The following ASIC2 variants were observed in gnomAD, a reference collection of about 807,000 sequenced individuals.
ASIC2 encodes the protein acid-sensing ion channel 2.
A neutral mutation model predicts 57.3 loss-of-function variants in ASIC2; 25 were observed. The observed-to-expected ratio is 0.44, with a 90% CI of 0.32 to 0.61. ASIC2 has a LOEUF of 0.61. Among genes scored for constraint, ASIC2 ranks in the 20% least tolerant of loss-of-function variants. ASIC2 has a pLI of 0.06. For missense variants in ASIC2, 641 were observed against 738.1 expected (o/e 0.87, Z 1.52); for synonymous variants, 319 against 307.5 (o/e 1.04, Z -0.39).
intron 1 of ASIC2, among the ~76,000 whole-genome samples, chr17:33,515,872 G>A (rs1030400675): frequency 6.6e-6 from 1 of 152,168 alleles, no homozygotes; most frequent in African/African-American, 2.4e-5. Flanking sequence ...GAGGTGGATG[G>A]ATTGCTTGAC....
At chr17:33,116,182 G>T (rs1219888375) in intron 1 of ASIC2, among the ~76,000 whole-genome samples, 2 of 152,212 alleles carry the variant, frequency 1.3e-5, no homozygotes, top group Non-Finnish European at 2.9e-5. Flanking sequence ...GCATGCCTTT[G>T]CTGGTCTCTC....
rs150705264 is a variant in ASIC2 at position 33,602,298 on chromosome 17, A to G, written c.556-490231T>C. Among the ~76,000 whole-genome samples, 12 of 152,322 alleles carry G rather than the reference A, an allele frequency of 7.9e-5. No homozygotes were observed. In the East Asian group the frequency reaches 2.3e-3, roughly 29 times the overall value. Reference sequence around the variant, plus strand: ...GTGCTGGAAACTTAATCCTTAATGCAACGGTGTTGAGAGATGGGACTTTTA... The same window carrying G: ...GTGCTGGAAACTTAATCCTTAATGCGACGGTGTTGAGAGATGGGACTTTTA... On this transcript the variant is annotated intron_variant, in intron 1 of 9. Transcript: ENST00000359872.
intron 1 of ASIC2, among the ~76,000 whole-genome samples, chr17:33,253,708 A>G (rs1020163604): frequency 6.6e-6 from 1 of 152,182 alleles, no homozygotes; most frequent in African/African-American, 2.4e-5. Flanking sequence ...TTTTCACGAA[A>G]AGAAGAGGAA....
chr17:33,656,008 A>T (rs1567680638), intron 1 of ASIC2, among the ~76,000 whole-genome samples: 1 of 152,160 alleles, frequency 6.6e-6, no homozygotes, highest in Non-Finnish European at 1.5e-5. Flanking sequence ...TTTTAGAGGC[A>T]GCATGGCATA....
At chr17:34,108,887 C>A (rs548572379) in intron 1 of ASIC2, among the ~76,000 whole-genome samples, 1 of 152,064 alleles carries the variant, frequency 6.6e-6, no homozygotes, top group African/African-American at 2.4e-5. Flanking sequence ...TTTTTCTTAT[C>A]CATAATACTC....
intron 1 of ASIC2, among the ~76,000 whole-genome samples, chr17:33,914,769 T>C (rs1164595461): frequency 2.6e-5 from 4 of 152,272 alleles, no homozygotes; most frequent in African/African-American, 9.6e-5. Flanking sequence ...ATGCCTTCCA[T>C]TGCTGAGATT....
chr17:33,282,093 C>A (rs2132829), intron 1 of ASIC2, among the ~76,000 whole-genome samples: 33 of 152,276 alleles, frequency 2.2e-4, no homozygotes, highest in African/African-American at 7.2e-4. Context: ...AATTACCCAG[C>A]CTCGTTCACT....
chr17:33,949,955 T>A (rs981868354), intron 1 of ASIC2, among the ~76,000 whole-genome samples: 3 of 152,164 alleles, frequency 2.0e-5, no homozygotes, highest in Non-Finnish European at 2.9e-5. Flanking sequence ...CACTTTCGAA[T>A]CCTGGTGTGG....
At chr17:33,092,723 C>T (rs1598271435) in intron 2 of ASIC2, among the ~76,000 whole-genome samples, 1 of 152,234 alleles carries the variant, frequency 6.6e-6, no homozygotes, top group Non-Finnish European at 1.5e-5. Flanking sequence ...CTTTCTACTC[C>T]ACCAGGAGTG....
intron 1 of ASIC2, among the ~76,000 whole-genome samples, chr17:33,696,235 C>T (rs1908523411): frequency 6.6e-6 from 1 of 152,150 alleles, no homozygotes; most frequent in African/African-American, 2.4e-5. Flanking sequence ...CTAAATAGCG[C>T]TGTTGTCAGA....
chr17:33,399,901 G>C (rs1910220154), intron 1 of ASIC2, among the ~76,000 whole-genome samples: 1 of 152,208 alleles, frequency 6.6e-6, no homozygotes, highest in Non-Finnish European at 1.5e-5. Context: ...TTGGGGAATA[G>C]AAAAGTGAAC....
intron 1 of ASIC2, among the ~76,000 whole-genome samples, chr17:33,902,884 C>T (rs1201070168): frequency 6.6e-6 from 1 of 152,134 alleles, no homozygotes; most frequent in African/African-American, 2.4e-5. Context: ...AATGTCAAAC[C>T]CATCTGAAGA....
At chr17:33,372,663 C>T (rs1909119385) in intron 1 of ASIC2, among the ~76,000 whole-genome samples, 1 of 152,154 alleles carries the variant, frequency 6.6e-6, no homozygotes, top group Admixed American at 6.5e-5. Flanking sequence ...CTCATGCTCT[C>T]TTCCTGAGTC....
intron 1 of ASIC2, among the ~76,000 whole-genome samples, chr17:33,850,543 G>A (rs79286855): frequency 0.029 from 4,388 of 152,280 alleles, 210 homozygotes; most frequent in African/African-American, 0.1. Context: ...ATTAAGGGGA[G>A]AACATGAAAA....
chr17:33,819,547 G>C (rs1387425048), intron 1 of ASIC2, among the ~76,000 whole-genome samples: 1 of 152,216 alleles, frequency 6.6e-6, no homozygotes, highest in Non-Finnish European at 1.5e-5. Flanking sequence ...GCATACTCTA[G>C]AATTAAGTCT....
At chr17:33,186,041 T>G (rs2142063396) in intron 1 of ASIC2, among the ~76,000 whole-genome samples, 1 of 152,278 alleles carries the variant, frequency 6.6e-6, no homozygotes, top group Non-Finnish European at 1.5e-5. Flanking sequence ...GTAATTGCGG[T>G]TTTTGCATTG....
chr17:33,758,355 T>G (rs142612229), intron 1 of ASIC2, among the ~76,000 whole-genome samples: 2 of 152,306 alleles, frequency 1.3e-5, no homozygotes, highest in Non-Finnish European at 2.9e-5. Flanking sequence ...TTTGAGAAAA[T>G]TATTTATTGT....
chr17:33,815,196 G>A (rs1245691993), intron 1 of ASIC2, among the ~76,000 whole-genome samples: 1 of 152,164 alleles, frequency 6.6e-6, no homozygotes, highest in East Asian at 1.9e-4. Context: ...CCATAGTGGG[G>A]TCTACAGAGG....
At chr17:33,983,122 A>T (rs1427080922) in intron 1 of ASIC2, among the ~76,000 whole-genome samples, 2 of 152,216 alleles carry the variant, frequency 1.3e-5, no homozygotes, top group African/African-American at 4.8e-5. Context: ...AACTTGCTGC[A>T]TATAAACAAG....
Sources: gnomAD v4.1 joint callset for allele counts (sites outside exome capture counted in the v4.1 genomes callset) on GRCh38, gnomAD v4.1.1 for gene constraint, MANE v1.5 for transcripts, NCBI Gene and HGNC (gene_info 2026-07-23, HGNC 2026-07-21) for gene names.